The following CCDC62 variants were observed in gnomAD, a reference collection of about 807,000 sequenced individuals.
CCDC62 encodes coiled-coil domain containing 62.
Under a neutral mutation model 80.8 loss-of-function variants are expected in CCDC62, and 72 were observed. That is an observed-to-expected ratio of 0.89 (90% CI 0.74 to 1.08). The LOEUF (loss-of-function observed/expected upper bound fraction) is 1.08. Ranked by LOEUF, CCDC62 falls within the 50% of genes least tolerant of loss-of-function variation. The probability of loss-of-function intolerance (pLI) is 0.00; values close to 1 mark genes in which losing one functional copy is unlikely to be tolerated. For synonymous variants in CCDC62, 286 were observed against 296.5 expected, an observed-to-expected ratio of 0.96 and a Z score of 0.36; for missense variants, 704 against 809.4, an observed-to-expected ratio of 0.87 and a Z score of 1.58.
intron 11 of CCDC62, among the ~76,000 whole-genome samples, chr12:122,822,733 C>T (rs1300288339): frequency 6.6e-6 from 1 of 151,852 alleles, no homozygotes; most frequent in Non-Finnish European, 1.5e-5. Flanking sequence ...CAGTATTTGT[C>T]TTTCTGTGCC....
rs200927471 is a variant in CCDC62 at position 122,777,665 on chromosome 12, C to G, written c.211C>G (p.Arg71Gly). 2 of 1,613,964 alleles carry G rather than the reference C, an allele frequency of 1.2e-6. No individual in the cohort carries two copies. The highest frequency in any genetic ancestry group is 1.7e-6 in the Non-Finnish European group (2 of 1,179,922). The change falls in exon 2 of 13, where the codon CGT becomes GGT. Residue 71 changes from arginine to glycine, a missense_variant. By Grantham distance (125) the Arg-to-Gly change is moderately radical (BLOSUM62 -2). Coordinates refer to ENST00000253079, the MANE Select transcript of CCDC62 (RefSeq NM_201435.5). ...DRQKVLTLEE[R>G]CSKLEGELHK... ...GCAGAAAGTGTTGACACTGGAAGAA[C>G]GTTGCAGCAAATTAGAAGGTCAGAA... is the stretch of plus-strand genomic sequence containing the variant.
At chr12:122,777,330 T>A (rs2135523955) in intron 1 of CCDC62, 161 bp from the exon 2 acceptor site, 1 of 598,436 alleles carries the variant, frequency 1.7e-6, no homozygotes, top group Non-Finnish European at 2.9e-6. Flanking sequence ...AACTTGAACA[T>A]GTTTTAAGTA....
chr12:122,806,402 C>G, intron 10 of CCDC62, 107 bp downstream of exon 10: 1 of 667,734 alleles, frequency 1.5e-6, no homozygotes, highest in Non-Finnish European at 2.1e-6. Flanking sequence ...GGCTATTCCT[C>G]CGTTTTTTTT....
chr12:122,785,591 C>T, intron 3 of CCDC62, 128 bp from the exon 4 acceptor site: 1 of 694,916 alleles, frequency 1.4e-6, no homozygotes, highest in Non-Finnish European at 2.6e-6. Context: ...ATTACCAACT[C>T]TTTTTTGTTA....
chr12:122,820,061 C>CAAAAA (rs34620795), intron 11 of CCDC62, among the ~76,000 whole-genome samples: 705 of 55,872 alleles, frequency 0.013, 36 homozygotes, highest in African/African-American at 0.038. Flanking sequence ...GATCCTGTCT[C>CAAAAA]AAAAAAAAAA....
chr12:122,793,970 C>T (rs149398683), intron 6 of CCDC62, among the ~76,000 whole-genome samples: 5 of 152,150 alleles, frequency 3.3e-5, no homozygotes, highest in African/African-American at 7.2e-5. Flanking sequence ...AGCATTTGTA[C>T]GCCAGGTGCC....
chr12:122,812,035 C>CA (rs771492354), intron 10 of CCDC62, among the ~76,000 whole-genome samples: 3 of 152,046 alleles, frequency 2.0e-5, no homozygotes, highest in Non-Finnish European at 2.9e-5. Context: ...ACAGCATTGA[C>CA]AAGTTGGTTG....
intron 10 of CCDC62, among the ~76,000 whole-genome samples, chr12:122,809,489 T>TA (rs748110360): frequency 1.4e-5 from 2 of 144,044 alleles, no homozygotes; most frequent in Non-Finnish European, 3.0e-5. Context: ...GACCCTGTCT[T>TA]AAAAAATAAT....
chr12:122,790,160 C>T (rs1214069750), intron 5 of CCDC62, among the ~76,000 whole-genome samples: 1 of 152,040 alleles, frequency 6.6e-6, no homozygotes, highest in African/African-American at 2.4e-5. Flanking sequence ...AAGCAATTCT[C>T]CTGCCTCAGC....
In CCDC62 at chr12:122,801,807, C is replaced by T. The variant is rs764145983; in HGVS notation, c.1661C>T (p.Thr554Ile). Residue 554 changes from threonine to isoleucine, a missense_variant, in exon 9 of 13, where the codon ACC (threonine) becomes ATC (isoleucine). Coordinates refer to ENST00000253079, the MANE Select transcript of CCDC62 (RefSeq NM_201435.5). The part of the protein sequence containing the change: ...QRIVRLKSGC[T>I]CSESICGTQH... ...ATTGTCCGCCTCAAATCTGGGTGCA[C>T]CTGTTCAGAAAGCATCTGTGGCACA... 1.2e-6 allele frequency: 2 copies of T among 1,614,052 alleles called. No individual in the cohort carries two copies. The highest frequency in any genetic ancestry group is 3.3e-5 in the Admixed American group (2 of 59,990).
chr12:122,784,221 A>G (rs1316459368), intron 3 of CCDC62, among the ~76,000 whole-genome samples: 1 of 152,134 alleles, frequency 6.6e-6, no homozygotes, highest in African/African-American at 2.4e-5. Context: ...TATCTTTTTA[A>G]AAGTCTAAAT....
intron 11 of CCDC62, among the ~76,000 whole-genome samples, chr12:122,821,726 C>T (rs936730895): frequency 8.6e-5 from 13 of 151,966 alleles, no homozygotes; most frequent in Non-Finnish European, 1.6e-4. Flanking sequence ...GGATTGCAGG[C>T]GTGAGCCACT....
chr12:122,789,803 G>A (rs2030489925), intron 5 of CCDC62, among the ~76,000 whole-genome samples: 1 of 152,098 alleles, frequency 6.6e-6, no homozygotes, highest in Admixed American at 6.6e-5. Context: ...CTTGACCTAT[G>A]GTTAGCCATA....
intron 8 of CCDC62, among the ~76,000 whole-genome samples, chr12:122,799,726 G>T (rs959527586): frequency 1.3e-5 from 2 of 152,212 alleles, no homozygotes; most frequent in Non-Finnish European, 2.9e-5. Context: ...ATGGAGGCTG[G>T]ACTGGGTTGC....
intron 1 of CCDC62, among the ~76,000 whole-genome samples, chr12:122,775,043 G>A (rs1458825215): frequency 7.6e-6 from 1 of 132,232 alleles, no homozygotes. Flanking sequence ...GCAGTGAGCC[G>A]AGATCGCGCC....
intron 2 of CCDC62, among the ~76,000 whole-genome samples, chr12:122,779,125 A>G (rs1279634033): frequency 6.6e-6 from 1 of 152,262 alleles, no homozygotes; most frequent in East Asian, 1.9e-4. Context: ...AATGAGCAAG[A>G]TTTGAATAGG....
At chr12:122,790,011 T>C (rs1422141852) in intron 5 of CCDC62, among the ~76,000 whole-genome samples, 1 of 152,202 alleles carries the variant, frequency 6.6e-6, no homozygotes, top group Non-Finnish European at 1.5e-5. Context: ...GTCTGTTCTG[T>C]CAATATTTAT....
chr12:122,781,676 ACT>A (rs1333794435), intron 3 of CCDC62, among the ~76,000 whole-genome samples: 9 of 149,870 alleles, frequency 6.0e-5, no homozygotes, highest in Non-Finnish European at 1.2e-4. Context: ...CAAGAGCGAA[ACT>A]CTGTCTCAAA....
At chr12:122,783,648 G>T (rs2030017139) in intron 3 of CCDC62, among the ~76,000 whole-genome samples, 1 of 152,066 alleles carries the variant, frequency 6.6e-6, no homozygotes, top group Non-Finnish European at 1.5e-5. Context: ...ATAGTTTCTA[G>T]CTATAAAATA....
Sources: allele counts gnomAD v4.1 joint callset (sites outside exome capture counted in the v4.1 genomes callset), GRCh38; gene constraint gnomAD v4.1.1; transcripts MANE v1.5; gene names NCBI Gene and HGNC (gene_info 2026-07-23, HGNC 2026-07-21).